PLEKHD1: variants seen among roughly 807,000 people sequenced by gnomAD.
The protein encoded by PLEKHD1 is pleckstrin homology domain-containing family D member 1.
In PLEKHD1, 51 loss-of-function variants were observed where a neutral mutation model predicts 69.2. That is an observed-to-expected ratio of 0.74 (90% CI 0.59 to 0.93). The LOEUF is 0.93. Among genes scored for constraint, PLEKHD1 ranks in the 40% least tolerant of loss-of-function variants. PLEKHD1 has a pLI of 0.00. For missense variants in PLEKHD1, 584 were observed against 641.0 expected (o/e 0.91, Z 0.96); for synonymous variants, 236 against 244.7 (o/e 0.96, Z 0.33).
chr14:69,502,442 G>A (rs1478656642), intron 5 of PLEKHD1: 2 of 263,880 alleles, frequency 7.6e-6, no homozygotes, highest in Non-Finnish European at 1.5e-5. Flanking sequence ...TAGACACTTG[G>A]GGCCCCAGCA....
At chr14:69,513,550 G>A (rs958375661) in intron 6 of PLEKHD1, among the ~76,000 whole-genome samples, 2 of 152,170 alleles carry the variant, frequency 1.3e-5, no homozygotes, top group African/African-American at 4.8e-5. Context: ...ATTGTTACAG[G>A]TGCATACTAT....
At chr14:69,479,806 G>A (rs1286099847), upstream of PLEKHD1, among the ~76,000 whole-genome samples, 1 of 152,102 alleles carries the variant, frequency 6.6e-6, no homozygotes, top group African/African-American at 2.4e-5. Flanking sequence ...ACTAGAAGCA[G>A]GTGACCAATC....
chr14:69,515,342 C>A (rs188286873), intron 6 of PLEKHD1, among the ~76,000 whole-genome samples: 6 of 152,110 alleles, frequency 3.9e-5, no homozygotes, highest in South Asian at 2.1e-4. Context: ...TAAGATTGGC[C>A]CCCCCTGGAG....
At chr14:69,520,077 T>C (rs1883477078) in intron 6 of PLEKHD1, among the ~76,000 whole-genome samples, 1 of 140,362 alleles carries the variant, frequency 7.1e-6, no homozygotes, top group Non-Finnish European at 1.5e-5. Flanking sequence ...TGAGACAGGA[T>C]AATTGCTTGA....
chr14:69,471,446 C>T, the PLEKHD1 span, among the ~76,000 whole-genome samples: 1 of 152,092 alleles, frequency 6.6e-6, no homozygotes, highest in South Asian at 2.1e-4. Flanking sequence ...CAAGGCACAT[C>T]TCTGAAGCTG....
At chr14:69,484,580 T>C (rs1201855992), upstream of PLEKHD1, 1 of 162,874 alleles carries the variant, frequency 6.1e-6, no homozygotes. Context: ...CCCGCCCTGA[T>C]TGGCGCCCGA....
chr14:69,522,879 T>C (rs1002977881), intron 7 of PLEKHD1, among the ~76,000 whole-genome samples: 8 of 152,168 alleles, frequency 5.3e-5, no homozygotes, highest in African/African-American at 1.7e-4. Flanking sequence ...TCTCTCTCTA[T>C]ATATATACAT....
chr14:69,497,414 G>A (rs1465083704), intron 1 of PLEKHD1, among the ~76,000 whole-genome samples: 2 of 152,280 alleles, frequency 1.3e-5, no homozygotes, highest in Non-Finnish European at 2.9e-5. Context: ...GGAGCCTGAT[G>A]CCCCATTGGG....
chr14:69,525,067 A>C (rs973757216), intron 8 of PLEKHD1, among the ~76,000 whole-genome samples: 2 of 152,066 alleles, frequency 1.3e-5, no homozygotes, highest in Non-Finnish European at 2.9e-5. Flanking sequence ...ATATCTCCTC[A>C]GTCAAGCTTC....
At position 69,528,616 on chromosome 14, in the gene PLEKHD1, AC is replaced by A; in HGVS notation, c.*201del. ...GCTGCCTTCCTCATCCTCACCCCACACCCCACCTTTGGGTCCACACCAGGGC... is the reference window on the plus strand; with the variant it reads ...GCTGCCTTCCTCATCCTCACCCCACACCCACCTTTGGGTCCACACCAGGGC... On this transcript the variant is annotated 3_prime_UTR_variant, in exon 13 of 13. Transcript: ENST00000322564. The A allele has an allele frequency of 1.4e-6, 1 of 731,130 alleles. No homozygotes were observed. Among genetic ancestry groups the A allele is most frequent in the Non-Finnish European group, 2.2e-6 (1 of 460,494 alleles). 45.3% of individuals were successfully genotyped at this position (731,130 alleles called of 1,614,324 possible).
intron 8 of PLEKHD1, 66 bp downstream of exon 8, chr14:69,524,388 T>A: frequency 1.0e-5 from 14 of 1,353,374 alleles, no homozygotes; most frequent in Non-Finnish European, 1.3e-5. Context: ...CATGACACTG[T>A]TTTTTCCAGC....
intron 11 of PLEKHD1, among the ~76,000 whole-genome samples, chr14:69,527,537 A>C (rs992209740): frequency 6.6e-6 from 1 of 152,236 alleles, no homozygotes; most frequent in South Asian, 2.1e-4. Flanking sequence ...TGGTGAGAGG[A>C]AAGCCAGGAG....
chr14:69,475,468 C>A, the PLEKHD1 span, among the ~76,000 whole-genome samples: 2 of 152,070 alleles, frequency 1.3e-5, no homozygotes, highest in Non-Finnish European at 2.9e-5. Flanking sequence ...TCCAGCCACT[C>A]CCAAAAACGC....
At chr14:69,492,155 G>A (rs989174394) in intron 1 of PLEKHD1, among the ~76,000 whole-genome samples, 1 of 152,178 alleles carries the variant, frequency 6.6e-6, no homozygotes, top group African/African-American at 2.4e-5. Context: ...CTGCACCACT[G>A]CCCACCCTTT....
chr14:69,520,281 C>T (rs1308976062), intron 6 of PLEKHD1, among the ~76,000 whole-genome samples: 3 of 151,672 alleles, frequency 2.0e-5, no homozygotes, highest in African/African-American at 7.3e-5. Context: ...ACGGCTCTGC[C>T]CCAGGAGGCA....
intron 1 of PLEKHD1, among the ~76,000 whole-genome samples, chr14:69,486,895 G>A (rs1882665398): frequency 2.0e-5 from 3 of 152,124 alleles, no homozygotes; most frequent in African/African-American, 7.2e-5. Context: ...GGCTTGGAGA[G>A]GTTTAGTGTC....
At chr14:69,497,183 G>A (rs1012021136) in intron 1 of PLEKHD1, among the ~76,000 whole-genome samples, 9 of 152,142 alleles carry the variant, frequency 5.9e-5, no homozygotes, top group Admixed American at 1.3e-4. Flanking sequence ...CAAAATAACC[G>A]CATAAGGTAG....
intron 6 of PLEKHD1, among the ~76,000 whole-genome samples, chr14:69,521,916 C>T (rs1883523381): frequency 6.6e-6 from 1 of 152,210 alleles, no homozygotes; most frequent in Non-Finnish European, 1.5e-5. Flanking sequence ...ACCACTCTTT[C>T]CTCCAGGTGT....
intron 1 of PLEKHD1, among the ~76,000 whole-genome samples, chr14:69,499,225 GCACACACACA>G (rs10551303): frequency 0.064 from 9,222 of 144,358 alleles, 335 homozygotes; most frequent in African/African-American, 0.1. Context: ...TCTCATACGT[GCACACACACA>G]CACACACACA....
Sources: allele counts gnomAD v4.1 joint callset (sites outside exome capture counted in the v4.1 genomes callset), GRCh38; gene constraint gnomAD v4.1.1; transcripts MANE v1.5; gene names NCBI Gene and HGNC (gene_info 2026-07-23, HGNC 2026-07-21).